MCF2: variants seen among roughly 807,000 people sequenced by gnomAD.
MCF2 encodes the protein proto-oncogene DBL.
Under a neutral mutation model 82.5 loss-of-function variants are expected in MCF2, and 44 were observed. That is an observed-to-expected ratio of 0.53 (90% CI 0.42 to 0.69). The LOEUF is 0.69. Among genes scored for constraint, MCF2 ranks in the 30% least tolerant of loss-of-function variants. The pLI is 0.00. For synonymous variants in MCF2, 217 were observed against 224.9 expected, an observed-to-expected ratio of 0.96 and a Z score of 0.32; for missense variants, 623 against 663.1, an observed-to-expected ratio of 0.94 and a Z score of 0.66.
At chrX:139,673,919 TAA>T (rs920637038) in intron 1 of MCF2, among the ~76,000 whole-genome samples, 1 of 111,563 alleles carries the variant, frequency 9.0e-6, no homozygotes, top group African/African-American at 3.3e-5. Context: ...AGTGGGGTGT[TAA>T]AGTCTCCCAT....
chrX:139,652,475 A>G (rs1277445683), intron 1 of MCF2, among the ~76,000 whole-genome samples: 1 of 111,729 alleles, frequency 9.0e-6, no homozygotes, highest in Non-Finnish European at 1.9e-5. Context: ...AATAAAAAGT[A>G]GCATATTAAC....
rs376286383 is a variant in MCF2, at chrX:139,679,547, A to G, written c.-44-27759T>C. Among the ~76,000 whole-genome samples the G allele has an allele frequency of 5.4e-5, 6 of 110,666 alleles. No individual in the cohort carries two copies. The East Asian group carries it at 8.6e-4, about 16-fold the overall frequency. Reference sequence around the variant, plus strand: ...AGCACTGGGGATAGATACAGAAACCAGTTAGACACTGGTCTGGATCTCCTG... The same window carrying G: ...AGCACTGGGGATAGATACAGAAACCGGTTAGACACTGGTCTGGATCTCCTG... On this transcript the variant is annotated intron_variant, in intron 1 of 27. Transcript: ENST00000414978.
intron 18 of MCF2, 93 bp from the exon 23 acceptor site, chrX:139,596,863 AC>A (rs2148415419): frequency 3.5e-6 from 2 of 570,171 alleles, no homozygotes; most frequent in East Asian, 6.6e-5. Context: ...AGCTACTCAA[AC>A]CCTGAAGAAT....
At chrX:139,693,883 T>C (rs978536887) in intron 1 of MCF2, among the ~76,000 whole-genome samples, 1 of 112,412 alleles carries the variant, frequency 8.9e-6, no homozygotes, top group Non-Finnish European at 1.9e-5. Flanking sequence ...AAAATGAGAT[T>C]GATCTGCATA....
chrX:139,585,393 T>C (rs1002872667), intron 23 of MCF2, among the ~76,000 whole-genome samples: 6 of 112,133 alleles, frequency 5.4e-5, no homozygotes, highest in Admixed American at 9.5e-5. Context: ...TAACTTGGTT[T>C]CCTCACCTGT....
chrX:139,619,601 C>T (rs1932181006), exon 7 of MCF2: 1 of 1,146,918 alleles, frequency 8.7e-7, no homozygotes, highest in Non-Finnish European at 1.2e-6. Flanking sequence ...GAATTTTCAT[C>T]TAAGTTTTCC....
chrX:139,673,657 T>A (rs1334071034), intron 1 of MCF2, among the ~76,000 whole-genome samples: 2 of 112,255 alleles, frequency 1.8e-5, no homozygotes, highest in Non-Finnish European at 3.8e-5. Flanking sequence ...GAGTTCTAAT[T>A]TGATTGCACT....
upstream of MCF2, chrX:139,646,823 C>T (rs753058511): frequency 2.6e-6 from 3 of 1,167,926 alleles, no homozygotes; most frequent in Admixed American, 2.4e-5. Flanking sequence ...AGTACTTTTG[C>T]TATTACTTCC....
chrX:139,637,149 T>A (rs1933274446), intron 1 of MCF2, among the ~76,000 whole-genome samples: 1 of 111,937 alleles, frequency 8.9e-6, no homozygotes, highest in Admixed American at 9.5e-5. Flanking sequence ...TTTTTGCATA[T>A]CTTCCTAGAG....
intron 1 of MCF2, among the ~76,000 whole-genome samples, chrX:139,666,034 C>T (rs1226545046): frequency 9.6e-6 from 1 of 104,107 alleles, no homozygotes; most frequent in African/African-American, 3.5e-5. Context: ...TACAGGCATA[C>T]AATGTGAAAT....
At chrX:139,697,320 C>T (rs1006948247) in intron 1 of MCF2, among the ~76,000 whole-genome samples, 4 of 111,850 alleles carry the variant, frequency 3.6e-5, no homozygotes, top group Non-Finnish European at 7.5e-5. Flanking sequence ...AGGGCTGATA[C>T]ATGTAAAGAG....
At chrX:139,655,157 T>C (rs1023701202) in intron 1 of MCF2, among the ~76,000 whole-genome samples, 5 of 112,022 alleles carry the variant, frequency 4.5e-5, no homozygotes, top group African/African-American at 1.6e-4. Context: ...GTTATTAGAA[T>C]TTTTTACTAT....
chrX:139,645,751 T>C (rs888122850), upstream of MCF2: 3 of 501,019 alleles, frequency 6.0e-6, no homozygotes, highest in Non-Finnish European at 1.0e-5. Flanking sequence ...TTCATCTACA[T>C]TTGATGTCTT....
exon 1 of MCF2, chrX:139,642,903 T>C: frequency 1.3e-6 from 1 of 764,526 alleles, no homozygotes; most frequent in East Asian, 9.4e-5. Context: ...TTGATGGGAC[T>C]GGCTTTCTCC....
chrX:139,629,304 A>G (rs2148488409), intron 4 of MCF2, among the ~76,000 whole-genome samples: 1 of 112,029 alleles, frequency 8.9e-6, no homozygotes, highest in African/African-American at 3.2e-5. Context: ...GTATCTAAAC[A>G]TGTCTAAACA....
chrX:139,643,430 GT>G (rs777201330), upstream of MCF2, among the ~76,000 whole-genome samples: 11 of 111,581 alleles, frequency 9.9e-5, no homozygotes, highest in African/African-American at 3.6e-4. Flanking sequence ...ATTTCAAACA[GT>G]AACCAACAGT....
chrX:139,671,751 G>T (rs755081553), intron 1 of MCF2, among the ~76,000 whole-genome samples: 110 of 111,723 alleles, frequency 9.8e-4, no homozygotes, highest in Non-Finnish European at 1.8e-3. Context: ...GTAGCATGAC[G>T]CCTCCAGCTT....
At chrX:139,704,131 C>T (rs1324607485) in intron 1 of MCF2, among the ~76,000 whole-genome samples, 1 of 111,608 alleles carries the variant, frequency 9.0e-6, no homozygotes, top group African/African-American at 3.3e-5. Flanking sequence ...GACAAACCCA[C>T]AGTAAACATC....
intron 6 of MCF2, among the ~76,000 whole-genome samples, 179 bp from the exon 10 acceptor site, chrX:139,619,885 A>T (rs1463902423): frequency 9.1e-6 from 1 of 109,845 alleles, no homozygotes; most frequent in African/African-American, 3.3e-5. Context: ...CATAGATATC[A>T]ATGTGTACTC....
Sources: allele counts gnomAD v4.1 joint callset (sites outside exome capture counted in the v4.1 genomes callset), GRCh38; gene constraint gnomAD v4.1.1; transcripts MANE v1.5; gene names NCBI Gene and HGNC (gene_info 2026-07-23, HGNC 2026-07-21).